Variants in ZNF76 observed in about 807,000 individuals in gnomAD.
The protein encoded by ZNF76 is zinc finger protein 76.
In ZNF76, 66 loss-of-function variants were observed where a neutral mutation model predicts 66.9. That is an observed-to-expected ratio of 0.99 (90% CI 0.81 to 1.21). ZNF76 has a LOEUF of 1.21. Ranked by LOEUF, ZNF76 falls within the 50% of genes most tolerant of loss-of-function variation. The pLI, the probability that ZNF76 is intolerant of heterozygous loss-of-function variation, is 0.00. For missense variants in ZNF76, 729 were observed against 760.3 expected, an observed-to-expected ratio of 0.96 and a Z score of 0.48; for synonymous variants, 275 against 296.1, an observed-to-expected ratio of 0.93 and a Z score of 0.73.
At position 35,295,358 on chromosome 6, in the gene ZNF76, GTC is replaced by G. The variant is rs769519983; in HGVS notation, c.*114_*115del. 2 of 921,570 alleles carry G rather than the reference GTC, an allele frequency of 2.2e-6. No individual in the cohort carries two copies. The highest frequency in any genetic ancestry group is 2.8e-5 in the South Asian group (2 of 71,166). 57.1% of individuals were successfully genotyped at this position (921,570 alleles called of 1,614,324 possible). ...TGACACATAGAAGGTGGCCACATAGGTCTCTGGGGTGAGAAGACAGCAAGAAA... is the reference window on the plus strand; with the variant it reads ...TGACACATAGAAGGTGGCCACATAGGTCTGGGGTGAGAAGACAGCAAGAAA... On this transcript the variant is annotated 3_prime_UTR_variant, in exon 14 of 14. Transcript: ENST00000373953.
At chr6:35,275,978 G>C (rs1178966654) in intron 1 of ZNF76, among the ~76,000 whole-genome samples, 1 of 152,128 alleles carries the variant, frequency 6.6e-6, no homozygotes, top group Non-Finnish European at 1.5e-5. Context: ...TGAGAAGTAT[G>C]GGCTCTGGGG....
chr6:35,280,607 G>A (rs1201811623), intron 1 of ZNF76, among the ~76,000 whole-genome samples: 1 of 150,748 alleles, frequency 6.6e-6, no homozygotes. Flanking sequence ...TGGAAGGTTG[G>A]GACACATTGT....
chr6:35,263,227 T>C (rs1394335752), intron 1 of ZNF76, among the ~76,000 whole-genome samples: 1 of 152,206 alleles, frequency 6.6e-6, no homozygotes, highest in Non-Finnish European at 1.5e-5. Context: ...CTTGGTTTTT[T>C]AGAGGGCAGG....
Position 35,293,858 on chromosome 6 carries a change from C to G in ZNF76, c.1437C>G (p.Ala479=), listed in dbSNP as rs1322990174. ...LTIPSPDADL[A]TSGTHTVTMV... is the part of the protein sequence containing the mutation. ...TCCCCAGTCCTGATGCCGACCTGGC[C>G]ACATCTGGCACACATACAGTCACCA... The change falls in exon 12 of 14, where the codon GCC becomes GCG. Residue 479 remains alanine (A), a synonymous_variant. Coordinates refer to ENST00000373953, the MANE Select transcript of ZNF76 (RefSeq NM_003427.5). 2 of 1,614,154 alleles carry G rather than the reference C, an allele frequency of 1.2e-6. No homozygotes were observed. The highest frequency in any genetic ancestry group is 1.7e-6 in the Non-Finnish European group (2 of 1,180,020).
intron 1 of ZNF76, among the ~76,000 whole-genome samples, chr6:35,260,465 T>C (rs1407153215): frequency 2.0e-5 from 3 of 152,176 alleles, no homozygotes; most frequent in Non-Finnish European, 4.4e-5. Context: ...CGTCTGCCTT[T>C]ATCCTAAAAT....
Position 35,292,459 on chromosome 6 carries a change from C to A in ZNF76, c.932-95C>A. ...TCTCAGTCCCTCTCCCTCCCTCTGG[C>A]TCTCCCTTCACCAACCCTGTCCCTC... On this transcript the variant is annotated intron_variant, in intron 9 of 13. Coordinates refer to ENST00000373953, the MANE Select transcript of ZNF76 (RefSeq NM_003427.5). This position sits in a 1 kb window ranked among gnomAD's most constrained non-coding sequence, Gnocchi z 4.7. 1 of 1,316,854 alleles carries A rather than the reference C, an allele frequency of 7.6e-7. No homozygotes were observed. Among genetic ancestry groups the A allele is most frequent in the African/African-American group, 1.4e-5 (1 of 69,358 alleles). The allele number at this position is 1,316,854 out of a possible 1,614,324, so 81.6% of individuals were successfully genotyped here.
rs750623171 is a variant in ZNF76, at chr6:35,290,721, C to G, written c.625+5C>G. On this transcript the variant is annotated splice_donor_5th_base_variant and intron_variant, in intron 7 of 13. Coordinates refer to ENST00000373953, the MANE Select transcript of ZNF76 (RefSeq NM_003427.5). ...GTGGAAAGGCCTTTGCCACAGGTAACCTGCCTGGTGGGCTGCTTCCAGTTG... is the reference window on the plus strand; with the variant it reads ...GTGGAAAGGCCTTTGCCACAGGTAAGCTGCCTGGTGGGCTGCTTCCAGTTG... 7.4e-6 allele frequency: 12 copies of G among 1,614,054 alleles called. No individual in the cohort carries two copies. Among genetic ancestry groups the G allele is most frequent in the African/African-American group, 1.3e-5 (1 of 74,946 alleles).
chr6:35,272,403 A>G (rs930648136), intron 1 of ZNF76, among the ~76,000 whole-genome samples: 1 of 152,106 alleles, frequency 6.6e-6, no homozygotes, highest in African/African-American at 2.4e-5. Context: ...TAGGAGTTCA[A>G]GGTTGCAGTG....
intron 11 of ZNF76, 50 bp downstream of exon 11, chr6:35,293,094 C>T (rs754494815): frequency 2.5e-6 from 4 of 1,586,808 alleles, no homozygotes; most frequent in South Asian, 1.1e-5. Flanking sequence ...ACTCTCCACT[C>T]TCTCTGGGGA....
chr6:35,267,037 G>T (rs1786247147), intron 1 of ZNF76, among the ~76,000 whole-genome samples: 1 of 151,910 alleles, frequency 6.6e-6, no homozygotes, highest in Non-Finnish European at 1.5e-5. Flanking sequence ...CTGACTTTGT[G>T]ATCCGCCCGC....
chr6:35,277,394 C>A (rs1170572334), intron 1 of ZNF76, among the ~76,000 whole-genome samples: 2 of 152,216 alleles, frequency 1.3e-5, no homozygotes, highest in Admixed American at 1.3e-4. Context: ...ATTTCCCTCT[C>A]TCCTGGAAAA....
At chr6:35,267,712 C>T (rs532393803) in intron 1 of ZNF76, among the ~76,000 whole-genome samples, 20 of 152,252 alleles carry the variant, frequency 1.3e-4, no homozygotes, top group South Asian at 6.2e-4. Flanking sequence ...CAAGTGCAGA[C>T]GAAACATGGG....
At chr6:35,290,858 T>C in intron 7 of ZNF76, 142 bp downstream of exon 7, 1 of 791,768 alleles carries the variant, frequency 1.3e-6, no homozygotes, top group Non-Finnish European at 2.1e-6. Context: ...GTGCTCTCTC[T>C]GGAGGAAACC....
intron 13 of ZNF76, chr6:35,294,869 A>T (rs1167472414): frequency 1.7e-6 from 1 of 571,830 alleles, no homozygotes; most frequent in Non-Finnish European, 3.1e-6. Context: ...AGGCTGACGT[A>T]GATGATCACC....
Position 35,288,102 on chromosome 6 carries a change from C to T in ZNF76, c.432+257C>T, listed in dbSNP as rs115070362. 2,193 of 661,390 alleles carry T rather than the reference C, an allele frequency of 3.3e-3. 16 individuals are homozygous for T. The highest frequency in any genetic ancestry group is 0.015 in the African/African-American group (821 of 56,590). 41.0% of individuals were successfully genotyped at this position (661,390 alleles called of 1,614,324 possible). On this transcript the variant is annotated intron_variant, in intron 5 of 13. Transcript: ENST00000373953. The stretch of plus-strand genomic sequence containing the variant: ...TTACGCTCACTTTTGTTTACGCTGT[C>T]TTTGCAGAGGGAAAGCTGCCATAAG...
intron 2 of ZNF76, among the ~76,000 whole-genome samples, chr6:35,282,562 C>T (rs2150362196): frequency 6.6e-6 from 1 of 152,220 alleles, no homozygotes; most frequent in Admixed American, 6.5e-5. Context: ...AGCCAGATAG[C>T]ATTCGTGTCT....
intron 1 of ZNF76, among the ~76,000 whole-genome samples, chr6:35,276,615 A>G (rs1045463332): frequency 2.0e-5 from 3 of 152,168 alleles, no homozygotes; most frequent in Admixed American, 6.5e-5. Context: ...TCTTAACCAC[A>G]CCACTGATTT....
chr6:35,281,021 G>A, intron 1 of ZNF76, 35 bp from the exon 2 acceptor site: 2 of 877,404 alleles, frequency 2.3e-6, no homozygotes, highest in Non-Finnish European at 3.8e-6. Context: ...GAGAAAGCTG[G>A]TTAACTCATA....
chr6:35,286,494 G>C, intron 4 of ZNF76, 95 bp downstream of exon 4: 1 of 1,157,480 alleles, frequency 8.6e-7, no homozygotes, highest in East Asian at 2.4e-5. Flanking sequence ...CACAACTGGG[G>C]TGTAGACATG....
Sources: gnomAD v4.1 joint callset for allele counts (sites outside exome capture counted in the v4.1 genomes callset) on GRCh38, gnomAD v4.1.1 for gene constraint, Gnocchi (gnomAD v3.1) non-coding constraint, MANE v1.5 for transcripts, NCBI Gene and HGNC (gene_info 2026-07-23, HGNC 2026-07-21) for gene names.